Variants in DLG2 observed in about 807,000 individuals in gnomAD.
The protein encoded by DLG2 is disks large homolog 2.
In DLG2, 45 loss-of-function variants were observed where a neutral mutation model predicts 132.5. The observed-to-expected ratio is 0.34, with a 90% confidence interval of 0.27 to 0.44. The LOEUF is 0.44. Among genes scored for constraint, DLG2 ranks in the 20% least tolerant of loss-of-function variants. The pLI is 1.00. For synonymous variants in DLG2, 424 were observed against 419.6 expected, an observed-to-expected ratio of 1.01 and a Z score of -0.13; for missense variants, 1,045 against 1,196.9, an observed-to-expected ratio of 0.87 and a Z score of 1.87.
chr11:85,401,603 C>T (rs1195732828), intron 3 of DLG2, among the ~76,000 whole-genome samples: 4 of 152,090 alleles, frequency 2.6e-5, no homozygotes, highest in African/African-American at 7.2e-5. Flanking sequence ...TTGTCTCAGC[C>T]CAAAGTCTTC....
rs527986385 is a variant in DLG2, at chr11:84,103,632, C to T, written c.625-4585G>A. Among the ~76,000 whole-genome samples the T allele has an allele frequency of 4.6e-5, 7 of 152,236 alleles. No homozygotes were observed. The East Asian group carries it at 7.7e-4, about 17-fold the overall frequency. ...GTTCATATTTGCTGACTCTTCCCCA[C>T]GAGCACAAACCCATTTTCTAGCCAA... On this transcript the variant is annotated intron_variant, in intron 9 of 27. Transcript: ENST00000376104.
chr11:84,943,258 C>A (rs1337197258), intron 6 of DLG2, among the ~76,000 whole-genome samples: 1 of 151,378 alleles, frequency 6.6e-6, no homozygotes, highest in Admixed American at 6.6e-5. Context: ...TTACATTCAA[C>A]ATTCGTAGTG....
At chr11:85,382,223 T>C (rs1246392390) in intron 3 of DLG2, among the ~76,000 whole-genome samples, 1 of 152,148 alleles carries the variant, frequency 6.6e-6, no homozygotes, top group Admixed American at 6.5e-5. Flanking sequence ...CTCACATTTA[T>C]GGTCAGCTGA....
intron 19 of DLG2, among the ~76,000 whole-genome samples, chr11:83,584,523 G>C (rs562420173): frequency 1.3e-5 from 2 of 152,284 alleles, no homozygotes; most frequent in East Asian, 1.9e-4. Context: ...AATATTAGTT[G>C]GTTGAAGAAG....
intron 6 of DLG2, among the ~76,000 whole-genome samples, chr11:84,709,719 C>T (rs571818659): frequency 2.0e-5 from 3 of 151,946 alleles, no homozygotes; most frequent in East Asian, 3.9e-4. Context: ...ACATTCTCTC[C>T]CCCTCTTCCT....
At chr11:85,144,143 C>A (rs1397546310) in intron 5 of DLG2, among the ~76,000 whole-genome samples, 1 of 151,678 alleles carries the variant, frequency 6.6e-6, no homozygotes, top group Non-Finnish European at 1.5e-5. Context: ...ATTGTTATAT[C>A]CTCTTGCCAA....
intron 21 of DLG2, among the ~76,000 whole-genome samples, chr11:83,506,460 TC>T (rs2094704946): frequency 6.6e-6 from 1 of 152,204 alleles, no homozygotes; most frequent in Non-Finnish European, 1.5e-5. Context: ...GGTCACACTC[TC>T]AACCTCCCTC....
chr11:84,838,777 T>C (rs2154004954), intron 6 of DLG2, among the ~76,000 whole-genome samples: 1 of 152,126 alleles, frequency 6.6e-6, no homozygotes, highest in South Asian at 2.1e-4. Context: ...AAAAGGCCTT[T>C]GACAAAATTC....
At chr11:85,279,886 A>T (rs1366405095) in intron 4 of DLG2, among the ~76,000 whole-genome samples, 1 of 152,110 alleles carries the variant, frequency 6.6e-6, no homozygotes, top group Admixed American at 6.6e-5. Flanking sequence ...CCATGGAAGG[A>T]ATTTTAAGTA....
At chr11:84,469,463 C>T (rs1377275034) in intron 7 of DLG2, among the ~76,000 whole-genome samples, 1 of 151,510 alleles carries the variant, frequency 6.6e-6, no homozygotes, top group African/African-American at 2.4e-5. Flanking sequence ...AAAGCCTCAG[C>T]AAAAAGTAAG....
At chr11:84,385,402 C>T (rs561606305) in intron 7 of DLG2, among the ~76,000 whole-genome samples, 4 of 152,250 alleles carry the variant, frequency 2.6e-5, no homozygotes, top group African/African-American at 9.6e-5. Flanking sequence ...TAACATACTT[C>T]CATTAAACTC....
In DLG2 at chr11:84,603,216, C is replaced by T. The variant is rs1158369666; in HGVS notation, c.358-68485G>A. 2.6e-5 allele frequency among the ~76,000 whole-genome samples: 4 copies of T among 152,018 alleles called. No homozygotes were observed. In the East Asian group the frequency reaches 5.8e-4, roughly 22 times the overall value. On this transcript the variant is annotated intron_variant, in intron 6 of 27. Coordinates refer to ENST00000376104, the MANE Select transcript of DLG2 (RefSeq NM_001142699.3). ...CCTGAACTCGTTTATGTAACTGTCT[C>T]TACCAATAAATATTGAGCTATTAAA...
chr11:83,609,577 A>G (rs1255662553), intron 19 of DLG2, among the ~76,000 whole-genome samples: 2 of 152,190 alleles, frequency 1.3e-5, no homozygotes, highest in Non-Finnish European at 2.9e-5. Context: ...ACGAAAATGT[A>G]TTTCCCATTA....
intron 6 of DLG2, among the ~76,000 whole-genome samples, chr11:84,744,784 G>A (rs1270412211): frequency 2.6e-5 from 4 of 151,680 alleles, no homozygotes; most frequent in African/African-American, 7.3e-5. Context: ...TAAGTCTGAT[G>A]GGAAGCTGTA....
At position 84,243,487 on chromosome 11, in the gene DLG2, T is replaced by A. The variant is rs575104234; in HGVS notation, c.573+7751A>T. Among the ~76,000 whole-genome samples, 4 of 152,278 alleles carry A rather than the reference T, an allele frequency of 2.6e-5. No individual in the cohort carries two copies. The East Asian group carries it at 7.7e-4, about 29-fold the overall frequency. On this transcript the variant is annotated intron_variant, in intron 8 of 27. Coordinates refer to ENST00000376104, the MANE Select transcript of DLG2 (RefSeq NM_001142699.3). ...TATCTCAACTGCAGGCCAAAACATG[T>A]AGTGAAGGAACAAAACATCAGGATC... is the stretch of plus-strand genomic sequence containing the variant.
chr11:84,617,355 G>GTACCA (rs1173949629), intron 6 of DLG2, among the ~76,000 whole-genome samples: 2 of 152,210 alleles, frequency 1.3e-5, no homozygotes, highest in African/African-American at 2.4e-5. Flanking sequence ...CGGTGAATAT[G>GTACCA]TACCACATTT....
At chr11:84,310,238 G>C (rs747707506) in intron 7 of DLG2, among the ~76,000 whole-genome samples, 10 of 152,134 alleles carry the variant, frequency 6.6e-5, no homozygotes, top group Non-Finnish European at 1.0e-4. Flanking sequence ...TTTGCAAGAC[G>C]CGGTGGAGAG....
At chr11:83,944,606 T>C (rs1056883119) in intron 14 of DLG2, among the ~76,000 whole-genome samples, 1 of 152,218 alleles carries the variant, frequency 6.6e-6, no homozygotes, top group Non-Finnish European at 1.5e-5. Context: ...AGAGATTTTT[T>C]AGAAAGACTA....
At chr11:85,130,061 TG>T (rs1464825724) in intron 5 of DLG2, among the ~76,000 whole-genome samples, 5 of 150,858 alleles carry the variant, frequency 3.3e-5, no homozygotes, top group Admixed American at 6.6e-5. Context: ...TTTTGAGGGG[TG>T]GGGGGCAAGA....
Sources: allele counts gnomAD v4.1 joint callset (sites outside exome capture counted in the v4.1 genomes callset), GRCh38; gene constraint gnomAD v4.1.1; transcripts MANE v1.5; gene names NCBI Gene and HGNC (gene_info 2026-07-23, HGNC 2026-07-21).